The following SPATA13 variants were observed in gnomAD, a reference collection of about 807,000 sequenced individuals.
The protein encoded by SPATA13 is spermatogenesis-associated protein 13.
SPATA13 carries 50 observed loss-of-function variants against 104.0 expected under a neutral mutation model. That is an observed-to-expected ratio of 0.48 (90% confidence interval 0.38 to 0.61). The LOEUF is 0.61. Ranked by LOEUF, SPATA13 falls within the 20% of genes least tolerant of loss-of-function variation. The probability of loss-of-function intolerance (pLI) is 0.00; values close to 1 mark genes in which losing one functional copy is unlikely to be tolerated. For synonymous variants in SPATA13, 606 were observed against 667.5 expected, an observed-to-expected ratio of 0.91 and a Z score of 1.42; for missense variants, 1,524 against 1,690.6, an observed-to-expected ratio of 0.90 and a Z score of 1.73.
chr13:24,210,273 C>G (rs909082527), intron 1 of SPATA13, among the ~76,000 whole-genome samples: 2 of 152,166 alleles, frequency 1.3e-5, no homozygotes, highest in African/African-American at 4.8e-5. Context: ...AGCCTTTTAG[C>G]TTGATACAGT....
intron 3 of SPATA13, among the ~76,000 whole-genome samples, chr13:24,055,791 G>A (rs1878519706): frequency 6.6e-6 from 1 of 152,186 alleles, no homozygotes; most frequent in Admixed American, 6.5e-5. Flanking sequence ...GAATATTCTT[G>A]GATGTCCTAA....
At chr13:23,985,913 C>T (rs917858229) in intron 2 of SPATA13, among the ~76,000 whole-genome samples, 3 of 152,152 alleles carry the variant, frequency 2.0e-5, no homozygotes, top group Non-Finnish European at 2.9e-5. Flanking sequence ...CACACAGGGA[C>T]GAGGAAGCCA....
In SPATA13 at chr13:24,012,801, C is replaced by A. The variant is rs145823321; in HGVS notation, c.-146-4866C>A. On this transcript the variant is annotated intron_variant, in intron 2 of 14. Coordinates refer to the SPATA13 transcript ENST00000424834. ...GCCACAGCAATGCCCAGAACACCAC[C>A]CTGAGCCCCGTGGCTGCAGACAGTG... Among the ~76,000 whole-genome samples the A allele has an allele frequency of 7.2e-5, 11 of 152,342 alleles. No homozygotes were observed. The South Asian group carries it at 2.1e-3, about 29-fold the overall frequency.
At chr13:24,049,301 T>G (rs1878255454) in intron 3 of SPATA13, among the ~76,000 whole-genome samples, 1 of 152,186 alleles carries the variant, frequency 6.6e-6, no homozygotes, top group African/African-American at 2.4e-5. Flanking sequence ...TTTTCTACAT[T>G]TGGGTGTGTT....
chr13:24,029,465 T>C (rs1193418100), intron 3 of SPATA13, among the ~76,000 whole-genome samples: 2 of 152,154 alleles, frequency 1.3e-5, no homozygotes, highest in Non-Finnish European at 2.9e-5. Context: ...AAATACAGAA[T>C]GTTCAGTTAA....
intron 1 of SPATA13, among the ~76,000 whole-genome samples, chr13:24,204,293 A>C (rs1870580569): frequency 6.6e-6 from 1 of 152,216 alleles, no homozygotes; most frequent in Admixed American, 6.5e-5. Context: ...CTGAAGAAAC[A>C]CTGTGTTCAG....
chr13:24,020,747 A>C (rs1199690661), intron 3 of SPATA13, among the ~76,000 whole-genome samples: 1 of 152,214 alleles, frequency 6.6e-6, no homozygotes, highest in Admixed American at 6.5e-5. Context: ...AGTGGGCATA[A>C]AAATAAATAA....
chr13:24,038,462 C>T (rs1023265435), intron 3 of SPATA13, among the ~76,000 whole-genome samples: 1 of 152,256 alleles, frequency 6.6e-6, no homozygotes, highest in African/African-American at 2.4e-5. Flanking sequence ...ATGCACGCAG[C>T]GGTTAGTACC....
At chr13:24,018,321 T>C (rs1157665532) in intron 3 of SPATA13, among the ~76,000 whole-genome samples, 1 of 152,202 alleles carries the variant, frequency 6.6e-6, no homozygotes, top group Non-Finnish European at 1.5e-5. Flanking sequence ...GATGGACAAA[T>C]AGAAATGTTG....
At chr13:24,117,728 C>G (rs1880899090) in intron 3 of SPATA13, among the ~76,000 whole-genome samples, 1 of 152,152 alleles carries the variant, frequency 6.6e-6, no homozygotes, top group Non-Finnish European at 1.5e-5. Context: ...TGTGACAGTC[C>G]TCCCAGGACA....
At chr13:24,032,032 C>A (rs778026091) in intron 3 of SPATA13, among the ~76,000 whole-genome samples, 3 of 152,168 alleles carry the variant, frequency 2.0e-5, no homozygotes, top group Non-Finnish European at 4.4e-5. Context: ...GCCCATCTTG[C>A]AAAAATTCAG....
intron 3 of SPATA13, among the ~76,000 whole-genome samples, chr13:24,080,499 G>A (rs1364474759): frequency 6.6e-6 from 1 of 152,220 alleles, no homozygotes; most frequent in Non-Finnish European, 1.5e-5. Context: ...TACAGAATTG[G>A]TGGGAAGGGA....
At chr13:23,986,291 G>T (rs555984535) in intron 2 of SPATA13, among the ~76,000 whole-genome samples, 1 of 152,216 alleles carries the variant, frequency 6.6e-6, no homozygotes, top group Admixed American at 6.5e-5. Flanking sequence ...GAAAATTGGG[G>T]CATCTAAGAA....
chr13:24,132,018 T>C (rs1881402217), intron 3 of SPATA13, among the ~76,000 whole-genome samples: 1 of 152,170 alleles, frequency 6.6e-6, no homozygotes, highest in South Asian at 2.1e-4. Flanking sequence ...GGTCAGCCAA[T>C]GAGATGCGCT....
At chr13:24,031,851 T>G (rs1877495309) in intron 3 of SPATA13, among the ~76,000 whole-genome samples, 1 of 152,250 alleles carries the variant, frequency 6.6e-6, no homozygotes, top group African/African-American at 2.4e-5. Flanking sequence ...TCCAAGATAT[T>G]CTGTGTACCA....
At chr13:24,226,851 G>C (rs183650958) in intron 2 of SPATA13, among the ~76,000 whole-genome samples, 3 of 152,328 alleles carry the variant, frequency 2.0e-5, no homozygotes, top group East Asian at 3.9e-4. Context: ...CTAGAAAGTA[G>C]GACTATCGCA....
chr13:24,100,430 T>A (rs1281253810), intron 3 of SPATA13, among the ~76,000 whole-genome samples: 1 of 152,242 alleles, frequency 6.6e-6, no homozygotes. Context: ...TTATTGAGAC[T>A]TGTCCTTCTC....
intron 3 of SPATA13, among the ~76,000 whole-genome samples, chr13:24,106,605 T>C (rs1256303487): frequency 6.6e-6 from 1 of 152,174 alleles, no homozygotes; most frequent in African/African-American, 2.4e-5. Flanking sequence ...TGTGTCTCAC[T>C]GGGTCTAAGT....
At chr13:24,072,972 T>G (rs1879219707) in intron 3 of SPATA13, among the ~76,000 whole-genome samples, 1 of 152,074 alleles carries the variant, frequency 6.6e-6, no homozygotes, top group Admixed American at 6.6e-5. Context: ...TGGGGTTCCT[T>G]TAGCATTTTA....
Sources: allele counts gnomAD v4.1 joint callset (sites outside exome capture counted in the v4.1 genomes callset), GRCh38; gene constraint gnomAD v4.1.1; transcripts MANE v1.5; gene names NCBI Gene and HGNC (gene_info 2026-07-23, HGNC 2026-07-21).